The following EEF1A2 variants were observed in gnomAD, a reference collection of about 807,000 sequenced individuals.
The protein encoded by EEF1A2 is eukaryotic translation elongation factor 1 alpha 2, also known as elongation factor 1-alpha 2.
EEF1A2 carries 5 observed loss-of-function variants against 39.3 expected under a neutral mutation model. The ratio of observed to expected loss-of-function variants is 0.13; its 90% confidence interval spans 0.07 to 0.27. The LOEUF (loss-of-function observed/expected upper bound fraction) is 0.27. Ranked by LOEUF, EEF1A2 falls within the 10% of genes least tolerant of loss-of-function variation. EEF1A2 has a pLI of 1.00. For missense variants in EEF1A2, 218 were observed against 681.4 expected (o/e 0.32, Z 7.57); for synonymous variants, 287 against 293.7 (o/e 0.98, Z 0.23).
Position 63,497,331 on chromosome 20 carries a change from C to T in EEF1A2, c.144+289G>A, listed in dbSNP as rs2082423017. On this transcript the variant is annotated intron_variant, in intron 2 of 7. Transcript: ENST00000217182. The surrounding 1 kb of genome is among the most constrained non-coding windows in gnomAD (Gnocchi z 7.3). ...GCTCCAGCGCCCTCCAGCCCCAGCT[C>T]AACATGGCAGAGTTCCAGAGCCTTC... 1 of 329,800 alleles carries T rather than the reference C, an allele frequency of 3.0e-6. No individual in the cohort carries two copies. The highest frequency in any genetic ancestry group is 5.4e-5 in the South Asian group (1 of 18,662). The allele number at this position is 329,800 out of a possible 1,614,324, so 20.4% of individuals were successfully genotyped here. A position where few individuals can be genotyped will look rare whatever the true frequency, so the allele number is the denominator to read the frequency against.
chr20:63,496,301 GTCGC>G lies in EEF1A2; in HGVS notation c.145-270_145-267del, dbSNP rs555854902. ...CAGCAGGTGGCGCAAGGGCCTGGGA[GTCGC>G]TCGCTCTACGAGCGAAGCCGCCAGA... On this transcript the variant is annotated intron_variant, in intron 2 of 7. Coordinates refer to ENST00000217182, the MANE Select transcript of EEF1A2 (RefSeq NM_001958.5). 1.2e-3 allele frequency: 632 copies of G among 524,492 alleles called. 12 individuals are homozygous for G. The highest frequency in any genetic ancestry group is 9.3e-3 in the South Asian group (407 of 43,594). The allele number at this position is 524,492 out of a possible 1,614,324, so 32.5% of individuals were successfully genotyped here.
chr20:63,495,281 G>A (rs1043028236), intron 3 of EEF1A2, among the ~76,000 whole-genome samples, 180 bp from the exon 4 acceptor site: 1 of 152,222 alleles, frequency 6.6e-6, no homozygotes, highest in East Asian at 1.9e-4. Flanking sequence ...GGGGCTCATC[G>A]CCAGGCCCTG....
intron 5 of EEF1A2, among the ~76,000 whole-genome samples, chr20:63,492,549 G>GGGAC (rs2082392911): frequency 6.2e-5 from 9 of 144,744 alleles, no homozygotes; most frequent in African/African-American, 1.5e-4. Context: ...TGGATGGATG[G>GGGAC]ATAGAGAGAA....
chr20:63,494,887 T>C lies in EEF1A2; in HGVS notation c.539A>G (p.Lys180Arg). The C allele has an allele frequency of 6.2e-7, 1 of 1,612,746 alleles. No homozygotes were observed. The highest frequency in any genetic ancestry group is 8.5e-7 in the Non-Finnish European group (1 of 1,179,948). ...IVKEVSAYIK[K>R]IGYNPATVPF... ...CACGGTGGCCGGGTTGTAGCCGATC[T>C]TCTTGATGTAGGCGCTGACTTCCTT... is the stretch of plus-strand genomic sequence containing the variant. Residue 180 changes from lysine to arginine, a missense_variant, in exon 4 of 8, where the codon AAG becomes AGG. Around this residue, in one of 4 missense-constraint regions of EEF1A2, gnomAD observed 79 missense variants for 172.3 expected, o/e 0.46. Coordinates refer to ENST00000217182, the MANE Select transcript of EEF1A2 (RefSeq NM_001958.5).
At chr20:63,491,050 C>A (rs1391908985) in intron 5 of EEF1A2, among the ~76,000 whole-genome samples, 1 of 152,216 alleles carries the variant, frequency 6.6e-6, no homozygotes, top group Admixed American at 6.5e-5. Context: ...GCTGTCTGAA[C>A]CTGGGGTCCC....
chr20:63,495,402 C>T lies in EEF1A2; in HGVS notation c.325-301G>A, dbSNP rs2082412279. Among the ~76,000 whole-genome samples, 2 of 152,250 alleles carry T rather than the reference C, an allele frequency of 1.3e-5. 1 individual carries two copies. The highest frequency in any genetic ancestry group is 2.9e-5 in the Non-Finnish European group (2 of 68,042). On this transcript the variant is annotated intron_variant, in intron 3 of 7. Transcript: ENST00000217182. ...TCCTCACTTGAGGACGGATAGAAGT[C>T]ACAGTTATCAAAGCAGTTTGGAGGT...
At chr20:63,491,448 A>G (rs1421566107) in intron 5 of EEF1A2, among the ~76,000 whole-genome samples, 1 of 152,188 alleles carries the variant, frequency 6.6e-6, no homozygotes, top group African/African-American at 2.4e-5. Context: ...TGTAGCCTCC[A>G]GCCAACTTCA....
At chr20:63,492,868 G>A (rs1053941840) in intron 5 of EEF1A2, among the ~76,000 whole-genome samples, 2 of 151,228 alleles carry the variant, frequency 1.3e-5, no homozygotes, top group East Asian at 2.0e-4. Context: ...ATGGATGGGT[G>A]GGGAGATGGA....
At chr20:63,492,621 G>A (rs1175176466) in intron 5 of EEF1A2, among the ~76,000 whole-genome samples, 1 of 145,670 alleles carries the variant, frequency 6.9e-6, no homozygotes, top group East Asian at 2.1e-4. Flanking sequence ...GGGATAGAGA[G>A]AAGGATGGAT....
At position 63,489,000 on chromosome 20, in the gene EEF1A2, C is replaced by A. The variant is rs199643016; in HGVS notation, c.1182G>T (p.Leu394=). 4.5e-5 allele frequency: 72 copies of A among 1,612,760 alleles called. No individual in the cohort carries two copies. The Admixed American group carries it at 1.2e-3, about 26-fold the overall frequency. ...GKKLEDNPKS[L]KSGDAAIVEM... ...CCACGATGGCCGCGTCTCCAGACTT[C>A]AGGGACTTGGGGTTGTCCTCCAGCT... Residue 394 remains leucine (L), a synonymous_variant, in exon 7 of 8, where the codon CTG becomes CTT. Transcript: ENST00000217182.
At position 63,497,322 on chromosome 20, in the gene EEF1A2, GC is replaced by G; in HGVS notation, c.144+297del. The G allele has an allele frequency of 3.3e-6, 1 of 305,448 alleles. No individual in the cohort carries two copies. The highest frequency in any genetic ancestry group is 6.0e-6 in the Non-Finnish European group (1 of 165,452). The allele number at this position is 305,448 out of a possible 1,614,324, so 18.9% of individuals were successfully genotyped here. ...GGGGGTAAGGCTCCAGCGCCCTCCA[GC>G]CCCAGCTCAACATGGCAGAGTTCCA... On this transcript the variant is annotated intron_variant, in intron 2 of 7. Coordinates refer to ENST00000217182, the MANE Select transcript of EEF1A2 (RefSeq NM_001958.5). The surrounding 1 kb of genome is among the most constrained non-coding windows in gnomAD (Gnocchi z 7.3).
chr20:63,497,598 G>T lies in EEF1A2; in HGVS notation c.144+22C>A. On this transcript the variant is annotated intron_variant, in intron 2 of 7. Coordinates refer to ENST00000217182, the MANE Select transcript of EEF1A2 (RefSeq NM_001958.5). The surrounding 1 kb of genome is among the most constrained non-coding windows in gnomAD (Gnocchi z 7.3). ...TGGGGGTTCCTTCTCAGGGGGCCAA[G>T]ACCATAGCCTGGGGAGCTCACCTCA... 2 of 1,606,244 alleles carry T rather than the reference G, an allele frequency of 1.2e-6. No individual in the cohort carries two copies. The highest frequency in any genetic ancestry group is 2.2e-5 in the South Asian group (2 of 90,020).
intron 6 of EEF1A2, 119 bp downstream of exon 6, chr20:63,490,360 C>A: frequency 7.4e-7 from 1 of 1,353,448 alleles, no homozygotes; most frequent in South Asian, 1.4e-5. Context: ...CCACTGCGCC[C>A]AGCCTGAGGG....
chr20:63,490,782 G>A, intron 5 of EEF1A2, 47 bp from the exon 6 acceptor site: 1 of 1,564,032 alleles, frequency 6.4e-7, no homozygotes. Flanking sequence ...CCGAGGGGAT[G>A]CTGGGGCAGG....
At chr20:63,490,045 C>T (rs1055629442) in intron 6 of EEF1A2, 2 of 162,348 alleles carry the variant, frequency 1.2e-5, no homozygotes, top group East Asian at 1.5e-4. Flanking sequence ...GTGGCCCCCT[C>T]GGTGGTATGC....
At chr20:63,493,815 A>G (rs1341344506) in intron 4 of EEF1A2, among the ~76,000 whole-genome samples, 1 of 152,166 alleles carries the variant, frequency 6.6e-6, no homozygotes, top group Non-Finnish European at 1.5e-5. Flanking sequence ...ACCTGCCACA[A>G]ACAGGGAGCA....
chr20:63,492,323 TGGA>T (rs1409489743), intron 5 of EEF1A2, among the ~76,000 whole-genome samples: 1 of 151,140 alleles, frequency 6.6e-6, no homozygotes. Flanking sequence ...AATGGATGGA[TGGA>T]TAGATAGAAG....
chr20:63,490,198 C>T (rs2082372070), intron 6 of EEF1A2: 1 of 322,366 alleles, frequency 3.1e-6, no homozygotes, highest in East Asian at 5.4e-5. Flanking sequence ...TTCCTGATAG[C>T]TGGGACTACA....
chr20:63,494,517 T>C (rs1276589327), intron 4 of EEF1A2, among the ~76,000 whole-genome samples: 4 of 152,328 alleles, frequency 2.6e-5, no homozygotes, highest in African/African-American at 9.6e-5. Flanking sequence ...ACCAAGCACA[T>C]GGGCCTGGTG....
Sources: gnomAD v4.1 joint callset for allele counts (sites outside exome capture counted in the v4.1 genomes callset) on GRCh38, gnomAD v4.1.1 for gene constraint, gnomAD v4.1.1 regional missense constraint, Gnocchi (gnomAD v3.1) non-coding constraint, MANE v1.5 for transcripts, NCBI Gene and HGNC (gene_info 2026-07-23, HGNC 2026-07-21) for gene names.